The following HSP90AB1 variants were observed in gnomAD, a reference collection of about 807,000 sequenced individuals.
The protein encoded by HSP90AB1 is heat shock protein HSP 90-beta.
Under a neutral mutation model 67.8 loss-of-function variants are expected in HSP90AB1, and 17 were observed. The ratio of observed to expected loss-of-function variants is 0.25; its 90% CI spans 0.17 to 0.38. The LOEUF (loss-of-function observed/expected upper bound fraction) is 0.38. Among genes scored for constraint, HSP90AB1 ranks in the 10% least tolerant of loss-of-function variants. The probability of loss-of-function intolerance (pLI) is 1.00; values close to 1 mark genes in which losing one functional copy is unlikely to be tolerated. For missense variants in HSP90AB1, 690 were observed against 899.9 expected, an observed-to-expected ratio of 0.77 and a Z score of 2.98; for synonymous variants, 390 against 312.9, an observed-to-expected ratio of 1.25 and a Z score of -2.60.
chr6:44,250,673 T>TA, intron 6 of HSP90AB1, 74 bp downstream of exon 6: 1 of 825,168 alleles, frequency 1.2e-6, no homozygotes, highest in Admixed American at 2.2e-5. Context: ...GAGTGTTGGG[T>TA]AATAGACACA....
intron 2 of HSP90AB1, 33 bp from the exon 3 acceptor site, chr6:44,249,344 A>G: frequency 6.4e-7 from 1 of 1,564,444 alleles, no homozygotes; most frequent in South Asian, 1.1e-5. Flanking sequence ...TGTCTTGGAA[A>G]GAGCAAAAGT....
At chr6:44,246,423 G>C (rs1000114763), upstream of HSP90AB1, 4 of 152,410 alleles carry the variant, frequency 2.6e-5, no homozygotes, top group African/African-American at 9.7e-5. Context: ...CTCGCGGGGA[G>C]GGGGCGGGAC....
intron 10 of HSP90AB1, 115 bp from the exon 11 acceptor site, chr6:44,252,930 T>C (rs975937823): frequency 3.8e-6 from 3 of 792,730 alleles, no homozygotes; most frequent in Admixed American, 2.4e-5. Flanking sequence ...GCCAGCATGG[T>C]CTCAAACTCA....
chr6:44,252,508 T>G (rs1780790098), intron 10 of HSP90AB1, among the ~76,000 whole-genome samples: 1 of 152,176 alleles, frequency 6.6e-6, no homozygotes, highest in Non-Finnish European at 1.5e-5. Flanking sequence ...TTTTTTTTCT[T>G]TTTTTGAGAT....
intron 10 of HSP90AB1, among the ~76,000 whole-genome samples, 178 bp downstream of exon 10, chr6:44,252,445 T>A (rs944734061): frequency 2.6e-5 from 4 of 152,202 alleles, no homozygotes; most frequent in African/African-American, 9.7e-5. Flanking sequence ...TGGCACAGAT[T>A]AGGCATTGCT....
rs1780964185 is a variant in HSP90AB1 at position 44,253,338 on chromosome 6, C to T, written c.2025C>T (p.Thr675=). The change falls in exon 11 of 12, where the codon ACC becomes ACT. Residue 675 remains threonine, a synonymous_variant. Coordinates refer to ENST00000371646, the MANE Select transcript of HSP90AB1 (RefSeq NM_007355.4). ...GCTTTTCCCTTGAGGATCCCCAGAC[C>T]CACTCCAACCGCATCTATCGCATGA... ...SSGFSLEDPQ[T]HSNRIYRMIK... is the part of the protein sequence containing the mutation. 3 of 1,614,066 alleles carry T rather than the reference C, an allele frequency of 1.9e-6. No homozygotes were observed. Among genetic ancestry groups the T allele is most frequent in the African/African-American group, 1.3e-5 (1 of 74,930 alleles).
chr6:44,253,504 A>G lies in HSP90AB1; in HGVS notation c.2081A>G (p.Glu694Gly). 6.2e-7 allele frequency: 1 copy of G among 1,613,886 alleles called. No individual in the cohort carries two copies. The highest frequency in any genetic ancestry group is 8.5e-7 in the Non-Finnish European group (1 of 1,179,782). ...TTTACTTCAGGTATTGATGAAGATG[A>G]AGTGGCAGCAGAGGAACCCAATGCT... ...IKLGLGIDED[E>G]VAAEEPNAAV... Residue 694 changes from glutamate (E) to glycine (G), a missense_variant, in exon 12 of 12, where the codon GAA becomes GGA. Glu to Gly is a moderately conservative substitution (Grantham distance 98). Around this residue, in one of 7 missense-constraint regions of HSP90AB1, gnomAD observed 120 missense variants for 153.5 expected, o/e 0.78. Transcript: ENST00000371646.
chr6:44,253,456 G>C (rs1780991845), intron 11 of HSP90AB1, 33 bp from the exon 12 acceptor site: 1 of 1,602,848 alleles, frequency 6.2e-7, no homozygotes, highest in Non-Finnish European at 8.5e-7. Flanking sequence ...AATGCTATTT[G>C]GTCAAGTCTC....
chr6:44,249,965 G>A, intron 4 of HSP90AB1, 56 bp from the exon 5 acceptor site: 6 of 1,603,906 alleles, frequency 3.7e-6, no homozygotes, highest in African/African-American at 2.7e-5. Flanking sequence ...ACTAATTGCT[G>A]GTCTCAACTG....
intron 10 of HSP90AB1, among the ~76,000 whole-genome samples, chr6:44,252,716 T>TCAGA (rs1780843323): frequency 1.3e-5 from 2 of 152,106 alleles, no homozygotes; most frequent in South Asian, 4.1e-4. Flanking sequence ...CAGGATGGTC[T>TCAGA]CCATCTCCTG....
intron 6 of HSP90AB1, 54 bp from the exon 7 acceptor site, chr6:44,250,994 T>TG (rs1582985347): frequency 4.1e-6 from 6 of 1,468,866 alleles, no homozygotes; most frequent in East Asian, 2.3e-5. Flanking sequence ...AATTTGGTGT[T>TG]GGGGCTAAAA....
At position 44,253,350 on chromosome 6, in the gene HSP90AB1, C is replaced by T. The variant is rs1244653454; in HGVS notation, c.2037C>T (p.Arg679=). Residue 679 remains arginine, a synonymous_variant, in exon 11 of 12, where the codon CGC becomes CGT. Coordinates refer to ENST00000371646, the MANE Select transcript of HSP90AB1 (RefSeq NM_007355.4). ...SLEDPQTHSN[R]IYRMIKLGLG... Reference sequence around the variant, plus strand: ...AGGATCCCCAGACCCACTCCAACCGCATCTATCGCATGATCAAGCTAGGTC... The same window carrying T: ...AGGATCCCCAGACCCACTCCAACCGTATCTATCGCATGATCAAGCTAGGTC... 6.2e-7 allele frequency: 1 copy of T among 1,614,194 alleles called. No individual in the cohort carries two copies. Among genetic ancestry groups the T allele is most frequent in the South Asian group, 1.1e-5 (1 of 91,084 alleles).
chr6:44,246,363 G>T (rs984971084), upstream of HSP90AB1: 3 of 152,328 alleles, frequency 2.0e-5, no homozygotes, highest in Non-Finnish European at 4.4e-5. Flanking sequence ...GGGTCGCCGG[G>T]TGGGGTCGCT....
chr6:44,252,060 C>T lies in HSP90AB1; in HGVS notation c.1524C>T (p.Phe508=), dbSNP rs148618685. The T allele has an allele frequency of 9.3e-6, 15 of 1,614,066 alleles. No homozygotes were observed. The highest frequency in any genetic ancestry group is 3.3e-5 in the South Asian group (3 of 91,076). The stretch of plus-strand genomic sequence containing the variant: ...TGGAGCGAGTGCGGAAACGGGGCTT[C>T]GAGGTGGTATATATGACCGAGCCCA... ...AFVERVRKRG[F]EVVYMTEPID... Residue 508 remains phenylalanine (F), a synonymous_variant, in exon 10 of 12, where the codon TTC becomes TTT. Transcript: ENST00000371646.
Position 44,248,674 on chromosome 6 carries a change from T to C in HSP90AB1, c.45T>C (p.Phe15=), listed in dbSNP as rs771843563. 8 of 1,614,092 alleles carry C rather than the reference T, an allele frequency of 5.0e-6. No individual in the cohort carries two copies. Among genetic ancestry groups the C allele is most frequent in the East Asian group, 2.2e-5 (1 of 44,892 alleles). ...ATGGAGAGGAGGAGGTGGAGACTTTTGCCTTTCAGGCAGAAATTGCCCAAC... is the reference window on the plus strand; with the variant it reads ...ATGGAGAGGAGGAGGTGGAGACTTTCGCCTTTCAGGCAGAAATTGCCCAAC... ...VHHGEEEVET[F]AFQAEIAQLM... Residue 15 remains phenylalanine, a synonymous_variant, in exon 2 of 12, where the codon TTT becomes TTC. Transcript: ENST00000371646.
In HSP90AB1 at chr6:44,251,816, A is replaced by C. The variant is rs754313524; in HGVS notation, c.1394A>C (p.Glu465Ala). Reference sequence around the variant, plus strand: ...TATCATACCTCCCAGTCTGGAGATGAGATGACATCTCTGTCAGAGTATGTT... The same window carrying C: ...TATCATACCTCCCAGTCTGGAGATGCGATGACATCTCTGTCAGAGTATGTT... ...LRYHTSQSGD[E>A]MTSLSEYVSR... The change falls in exon 9 of 12, where the codon GAG (glutamate) becomes GCG (alanine). Residue 465 changes from glutamate (E) to alanine (A), a missense_variant. By Grantham distance (107) the Glu-to-Ala change is moderately radical. Around this residue, in one of 7 missense-constraint regions of HSP90AB1, gnomAD observed 206 missense variants for 221.4 expected, o/e 0.93. Transcript: ENST00000371646. The C allele has an allele frequency of 6.2e-7, 1 of 1,613,058 alleles. No individual in the cohort carries two copies. Among genetic ancestry groups the C allele is most frequent in the East Asian group, 2.2e-5 (1 of 44,882 alleles).
In HSP90AB1 at chr6:44,251,773, C is replaced by A. The variant is rs1425745069; in HGVS notation, c.1351C>A (p.Leu451Met). ...IHEDSTNRRR[L>M]SELLRYHTSQ... ...CGAAGACTCCACTAACCGCCGCCGCCTGTCTGAGCTGCTGCGCTATCATAC... is the reference window on the plus strand; with the variant it reads ...CGAAGACTCCACTAACCGCCGCCGCATGTCTGAGCTGCTGCGCTATCATAC... The change falls in exon 9 of 12, where the codon CTG becomes ATG. Residue 451 changes from leucine (L) to methionine (M), a missense_variant. Transcript: ENST00000371646. 1.1e-5 allele frequency: 17 copies of A among 1,613,474 alleles called. No homozygotes were observed. The highest frequency in any genetic ancestry group is 1.8e-4 in the Middle Eastern group (1 of 5,534).
chr6:44,248,559 G>A, intron 1 of HSP90AB1, 71 bp from the exon 2 acceptor site: 1 of 1,444,890 alleles, frequency 6.9e-7, no homozygotes, highest in Non-Finnish European at 9.5e-7. Flanking sequence ...CCTAACAAAT[G>A]ATATGACCTT....
chr6:44,246,897 C>T (rs1025837957), upstream of HSP90AB1, among the ~76,000 whole-genome samples: 3 of 152,226 alleles, frequency 2.0e-5, no homozygotes, highest in Admixed American at 6.5e-5. Flanking sequence ...AACTATGGGG[C>T]TGTGATCACA....
Sources: allele counts gnomAD v4.1 joint callset (sites outside exome capture counted in the v4.1 genomes callset), GRCh38; gene constraint gnomAD v4.1.1; regional missense constraint gnomAD v4.1.1; transcripts MANE v1.5; gene names NCBI Gene and HGNC (gene_info 2026-07-23, HGNC 2026-07-21).